The following MALRD1 variants were observed in gnomAD, a reference collection of about 807,000 sequenced individuals.
MALRD1 encodes MAM and LDL receptor class A domain containing 1.
Under a neutral mutation model 242.1 loss-of-function variants are expected in MALRD1, and 247 were observed. The ratio of observed to expected loss-of-function variants is 1.02; its 90% CI spans 0.92 to 1.13. The LOEUF (loss-of-function observed/expected upper bound fraction) is 1.13. Ranked by LOEUF, MALRD1 falls within the 50% of genes most tolerant of loss-of-function variation. The pLI, the probability that MALRD1 is intolerant of heterozygous loss-of-function variation, is 0.00. For missense variants in MALRD1, 2,989 were observed against 2,533.1 expected, an observed-to-expected ratio of 1.18 and a Z score of -3.86; for synonymous variants, 995 against 866.6, an observed-to-expected ratio of 1.15 and a Z score of -2.60.
chr10:19,644,376 C>T (rs559795141), intron 36 of MALRD1, among the ~76,000 whole-genome samples: 20 of 50,512 alleles, frequency 4.0e-4, no homozygotes, highest in African/African-American at 1.1e-3. Context: ...GAGACATTAA[C>T]GTTGCCTGGA....
chr10:19,316,854 G>A (rs1284733880), intron 21 of MALRD1, among the ~76,000 whole-genome samples: 1 of 151,758 alleles, frequency 6.6e-6, no homozygotes, highest in African/African-American at 2.4e-5. Context: ...CTTACTATTT[G>A]CTAGCACACT....
rs564051753 is a variant in MALRD1, at chr10:19,389,448, C to G, written c.4688-4C>G. 1.9e-6 allele frequency: 3 copies of G among 1,549,870 alleles called. No homozygotes were observed. The highest frequency in any genetic ancestry group is 4.9e-5 in the East Asian group (2 of 40,926). On this transcript the variant is annotated splice_polypyrimidine_tract_variant and splice_region_variant and intron_variant, in intron 27 of 39. Transcript: ENST00000454679. ...TCTTCTCTGAATTCTGTCCTTGTTCCTAGGGCACTTCATGTATCTGGAAGC... is the reference window on the plus strand; with the variant it reads ...TCTTCTCTGAATTCTGTCCTTGTTCGTAGGGCACTTCATGTATCTGGAAGC...
chr10:19,235,549 C>T (rs757487584), intron 18 of MALRD1, among the ~76,000 whole-genome samples: 1 of 142,008 alleles, frequency 7.0e-6, no homozygotes, highest in African/African-American at 2.6e-5. Flanking sequence ...AATAAATACT[C>T]AGGACACACA....
chr10:19,321,259 T>C (rs528349319), intron 21 of MALRD1, among the ~76,000 whole-genome samples: 1 of 152,264 alleles, frequency 6.6e-6, no homozygotes, highest in South Asian at 2.1e-4. Flanking sequence ...GTTTTCCAAT[T>C]TCTGAAAAAT....
At chr10:19,234,699 T>C (rs1838226654) in intron 18 of MALRD1, among the ~76,000 whole-genome samples, 1 of 152,168 alleles carries the variant, frequency 6.6e-6, no homozygotes, top group African/African-American at 2.4e-5. Context: ...AAATAGATCC[T>C]ACTATACTCC....
chr10:19,304,010 G>C (rs996705508), intron 21 of MALRD1, among the ~76,000 whole-genome samples: 8 of 151,728 alleles, frequency 5.3e-5, no homozygotes, highest in African/African-American at 1.9e-4. Context: ...TGGGTTAAGG[G>C]ATACTGGGGT....
intron 21 of MALRD1, among the ~76,000 whole-genome samples, chr10:19,294,590 T>C (rs957233333): frequency 6.6e-6 from 1 of 152,168 alleles, no homozygotes; most frequent in Admixed American, 6.6e-5. Context: ...GCAGAAAGTT[T>C]TACTTACTGA....
At chr10:19,169,620 C>T (rs1429519317) in intron 13 of MALRD1, among the ~76,000 whole-genome samples, 1 of 152,126 alleles carries the variant, frequency 6.6e-6, no homozygotes, top group African/African-American at 2.4e-5. Context: ...ATTATGCTGG[C>T]TTTAACCTGA....
At chr10:19,065,437 C>T (rs11008328) in intron 1 of MALRD1, among the ~76,000 whole-genome samples, 10,707 of 151,954 alleles carry the variant, frequency 0.07, 1,232 homozygotes, top group African/African-American at 0.25. Flanking sequence ...GTGTCTTATG[C>T]TAATGATCAA....
chr10:19,134,537 G>T (rs61851289), intron 9 of MALRD1, among the ~76,000 whole-genome samples: 59 of 148,038 alleles, frequency 4.0e-4, no homozygotes, highest in Non-Finnish European at 7.3e-4. Context: ...TATGGAATGT[G>T]TAAGTTTATT....
At chr10:19,715,346 CATT>C (rs951654616) in intron 38 of MALRD1, among the ~76,000 whole-genome samples, 1 of 150,356 alleles carries the variant, frequency 6.7e-6, no homozygotes, top group Admixed American at 6.6e-5. Flanking sequence ...ACAAGATATC[CATT>C]ATAACTTATT....
At chr10:19,176,702 T>A (rs994826400) in intron 14 of MALRD1, among the ~76,000 whole-genome samples, 1 of 152,044 alleles carries the variant, frequency 6.6e-6, no homozygotes, top group Non-Finnish European at 1.5e-5. Flanking sequence ...TGGGTTAACG[T>A]GTATTTACTT....
intron 13 of MALRD1, among the ~76,000 whole-genome samples, chr10:19,168,542 A>G (rs1834795123): frequency 2.6e-5 from 4 of 152,226 alleles, no homozygotes; most frequent in Admixed American, 2.6e-4. Flanking sequence ...ACCCATCAAC[A>G]TTACTGAAGA....
chr10:19,700,136 C>A (rs1200048706), intron 38 of MALRD1, among the ~76,000 whole-genome samples: 10 of 151,904 alleles, frequency 6.6e-5, no homozygotes, highest in Non-Finnish European at 1.5e-4. Flanking sequence ...TACATTAACC[C>A]ACTGCAATAG....
At chr10:19,502,640 C>G (rs61841367) in intron 31 of MALRD1, among the ~76,000 whole-genome samples, 1 of 152,070 alleles carries the variant, frequency 6.6e-6, no homozygotes, top group South Asian at 2.1e-4. Flanking sequence ...ATATGAGAAA[C>G]AAGCCAATTT....
At chr10:19,282,889 C>G (rs1453531394) in intron 20 of MALRD1, 130 bp from the exon 21 acceptor site, 1 of 623,318 alleles carries the variant, frequency 1.6e-6, no homozygotes, top group East Asian at 3.4e-5. Context: ...AACCATTTGC[C>G]TAATTATTTT....
rs998411789 is a variant in MALRD1 at position 19,410,301 on chromosome 10, C to T, written c.4845+20692C>T. On this transcript the variant is annotated intron_variant, in intron 28 of 39. Coordinates refer to ENST00000454679, the MANE Select transcript of MALRD1 (RefSeq NM_001142308.3). ...ATGATAAATAGTTTTTGATATCTCA[C>T]GCCCAAGTTTAGTATAGATTTTTTA... 2.6e-5 allele frequency among the ~76,000 whole-genome samples: 4 copies of T among 152,030 alleles called. No homozygotes were observed. The East Asian group carries it at 7.7e-4, about 29-fold the overall frequency.
intron 35 of MALRD1, among the ~76,000 whole-genome samples, chr10:19,611,122 T>A (rs1333524844): frequency 2.0e-5 from 3 of 151,936 alleles, no homozygotes; most frequent in Non-Finnish European, 4.4e-5. Flanking sequence ...GTATAAAAAT[T>A]CTAACAAATT....
At chr10:19,480,952 TG>T (rs1836969867) in intron 29 of MALRD1, among the ~76,000 whole-genome samples, 1 of 152,154 alleles carries the variant, frequency 6.6e-6, no homozygotes, top group South Asian at 2.1e-4. Context: ...TTTAAAAAAC[TG>T]AATATTTAAA....
Sources: gnomAD v4.1 joint callset for allele counts (sites outside exome capture counted in the v4.1 genomes callset) on GRCh38, gnomAD v4.1.1 for gene constraint, MANE v1.5 for transcripts, NCBI Gene and HGNC (gene_info 2026-07-23, HGNC 2026-07-21) for gene names.